AGXT2: variants seen among roughly 807,000 people sequenced by gnomAD.
The protein encoded by AGXT2 is alanine--glyoxylate aminotransferase 2.
In AGXT2, 61 loss-of-function variants were observed where a neutral mutation model predicts 62.5. The observed-to-expected ratio is 0.98, with a 90% CI of 0.79 to 1.21. The LOEUF is 1.21. Ranked by LOEUF, AGXT2 falls within the 50% of genes most tolerant of loss-of-function variation. The probability of loss-of-function intolerance (pLI) is 0.00; values close to 1 mark genes in which losing one functional copy is unlikely to be tolerated. For missense variants in AGXT2, 666 were observed against 641.5 expected, an observed-to-expected ratio of 1.04 and a Z score of -0.41; for synonymous variants, 243 against 218.7, an observed-to-expected ratio of 1.11 and a Z score of -0.98.
chr5:35,003,629 A>ACCTCGG, intron 13 of AGXT2, 134 bp downstream of exon 13: 3 of 824,708 alleles, frequency 3.6e-6, no homozygotes, highest in Non-Finnish European at 6.2e-6. Flanking sequence ...GTGGCTGGGT[A>ACCTCGG]CCTCGGCACA....
At chr5:35,016,577 T>C (rs1020668303) in intron 9 of AGXT2, among the ~76,000 whole-genome samples, 9 of 152,134 alleles carry the variant, frequency 5.9e-5, no homozygotes, top group Admixed American at 4.6e-4. Context: ...CCTCTTCCCC[T>C]TTCCCTTAAC....
chr5:35,043,171 T>C (rs1272915685), intron 1 of AGXT2, among the ~76,000 whole-genome samples: 1 of 152,178 alleles, frequency 6.6e-6, no homozygotes, highest in East Asian at 1.9e-4. Flanking sequence ...GCAAAGTAAA[T>C]GAGAAAAATC....
At chr5:35,024,225 A>G (rs1338433130) in intron 9 of AGXT2, among the ~76,000 whole-genome samples, 2 of 152,120 alleles carry the variant, frequency 1.3e-5, no homozygotes, top group Non-Finnish European at 2.9e-5. Context: ...GAGGAAGTCT[A>G]TTCCAGCAAT....
chr5:35,000,004 C>T (rs553740983), intron 13 of AGXT2, among the ~76,000 whole-genome samples: 59 of 152,310 alleles, frequency 3.9e-4, no homozygotes, highest in Non-Finnish European at 1.5e-4. Context: ...CCCCCTTGTC[C>T]CCTATGGCTA....
At chr5:35,029,404 C>T (rs1767479337) in intron 7 of AGXT2, among the ~76,000 whole-genome samples, 1 of 152,236 alleles carries the variant, frequency 6.6e-6, no homozygotes, top group South Asian at 2.1e-4. Context: ...CTAGACCTTT[C>T]ATGACTTTTT....
intron 12 of AGXT2, among the ~76,000 whole-genome samples, chr5:35,007,650 G>A (rs534883648): frequency 2.0e-5 from 3 of 152,308 alleles, no homozygotes; most frequent in African/African-American, 7.2e-5. Flanking sequence ...AATCCAGGTG[G>A]TCTGCCCTTA....
intron 11 of AGXT2, chr5:35,012,270 T>C (rs913135070): frequency 6.6e-6 from 1 of 151,422 alleles, no homozygotes; most frequent in Non-Finnish European, 1.5e-5. Flanking sequence ...TATATGTGTA[T>C]GTATATATAT....
In AGXT2 at chr5:35,033,455, C is replaced by T; in HGVS notation, c.675+5G>A. The T allele has an allele frequency of 6.2e-7, 1 of 1,605,870 alleles. No homozygotes were observed. Among genetic ancestry groups the T allele is most frequent in the South Asian group, 1.1e-5 (1 of 90,930 alleles). Reference sequence around the variant, plus strand: ...AAGAAACAAGAGAAAAATCTCCAAACTCACTGGTTGGCAACCTGTCCCACC... The same window carrying T: ...AAGAAACAAGAGAAAAATCTCCAAATTCACTGGTTGGCAACCTGTCCCACC... On this transcript the variant is annotated splice_donor_5th_base_variant and intron_variant, in intron 6 of 13. Transcript: ENST00000231420.
At chr5:35,009,521 G>A (rs1017192772) in intron 12 of AGXT2, among the ~76,000 whole-genome samples, 1 of 152,220 alleles carries the variant, frequency 6.6e-6, no homozygotes, top group East Asian at 1.9e-4. Flanking sequence ...GCTTGAACCT[G>A]TAAGGTGGAG....
chr5:35,000,568 G>T (rs892412447), intron 13 of AGXT2, among the ~76,000 whole-genome samples: 2 of 152,118 alleles, frequency 1.3e-5, no homozygotes, highest in African/African-American at 4.8e-5. Flanking sequence ...TTTTGGTAGA[G>T]ACAGGGCTTC....
At chr5:35,029,089 G>A (rs1161812625) in intron 7 of AGXT2, among the ~76,000 whole-genome samples, 3 of 152,220 alleles carry the variant, frequency 2.0e-5, no homozygotes, top group Non-Finnish European at 2.9e-5. Context: ...TGGAGGTTAA[G>A]GGTGTGAGAA....
At chr5:35,029,869 C>T (rs1767495606) in intron 7 of AGXT2, among the ~76,000 whole-genome samples, 1 of 152,198 alleles carries the variant, frequency 6.6e-6, no homozygotes, top group East Asian at 1.9e-4. Flanking sequence ...AATAAATATA[C>T]CATATAAACA....
intron 12 of AGXT2, among the ~76,000 whole-genome samples, chr5:35,006,388 C>T (rs945856961): frequency 2.6e-5 from 4 of 152,172 alleles, no homozygotes; most frequent in Non-Finnish European, 5.9e-5. Context: ...CACAGTTCTA[C>T]AGGCTGTACA....
chr5:35,019,138 C>A (rs1200066106), intron 9 of AGXT2, among the ~76,000 whole-genome samples: 4 of 91,830 alleles, frequency 4.4e-5, no homozygotes, highest in Non-Finnish European at 8.3e-5. Flanking sequence ...GACTTTAACA[C>A]CCCACTGTCA....
At chr5:35,003,645 G>T in intron 13 of AGXT2, 118 bp downstream of exon 13, 1 of 1,008,906 alleles carries the variant, frequency 9.9e-7, no homozygotes, top group Non-Finnish European at 1.6e-6. Context: ...GCACAGTTGT[G>T]TAAAAACTGC....
At chr5:35,010,179 C>T (rs1322456639) in intron 11 of AGXT2, 30 bp from the exon 12 acceptor site, 1 of 1,613,842 alleles carries the variant, frequency 6.2e-7, no homozygotes, top group South Asian at 1.1e-5. Flanking sequence ...AATGATCTTA[C>T]ATGGCAGAAG....
rs532032930 is a variant in AGXT2, at chr5:35,029,915, G to T, written c.769+2817C>A. Among the ~76,000 whole-genome samples the T allele has an allele frequency of 9.2e-5, 14 of 152,310 alleles. No individual in the cohort carries two copies. In the East Asian group the frequency reaches 1.9e-3, roughly 21 times the overall value. On this transcript the variant is annotated intron_variant, in intron 7 of 13. Coordinates refer to ENST00000231420, the MANE Select transcript of AGXT2 (RefSeq NM_031900.4). ...ACTCACAAAATGGCCCCCTGCCTCT[G>T]TTGGGAGGGATGACATATTTCTGAG...
intron 9 of AGXT2, among the ~76,000 whole-genome samples, chr5:35,020,771 G>A (rs1181819189): frequency 6.6e-6 from 1 of 152,184 alleles, no homozygotes; most frequent in Non-Finnish European, 1.5e-5. Context: ...TAGGAAAAGA[G>A]GAAGTCAAAT....
rs1179936212 is a variant in AGXT2, at chr5:35,022,503, CAT to C, written c.963+3258_963+3259del. Among the ~76,000 whole-genome samples the C allele has an allele frequency of 3.5e-5, 5 of 141,774 alleles. No individual in the cohort carries two copies. In the Admixed American group the frequency reaches 3.9e-4, roughly 11 times the overall value. The allele number at this position is 141,774 out of a possible 152,430, so 93.0% of individuals were successfully genotyped here. A position where few individuals can be genotyped will look rare whatever the true frequency, so the allele number is the denominator to read the frequency against. On this transcript the variant is annotated intron_variant, in intron 9 of 13. Transcript: ENST00000231420. Reference sequence around the variant, plus strand: ...AAACCAAGCACCGCATATTCTCACTCATAGGTGGGAATTGAACAATGAGAACA... The same window carrying C: ...AAACCAAGCACCGCATATTCTCACTCAGGTGGGAATTGAACAATGAGAACA...
Sources: gnomAD v4.1 joint callset for allele counts (sites outside exome capture counted in the v4.1 genomes callset) on GRCh38, gnomAD v4.1.1 for gene constraint, MANE v1.5 for transcripts, NCBI Gene and HGNC (gene_info 2026-07-23, HGNC 2026-07-21) for gene names.